BRINP1: variants seen among roughly 807,000 people sequenced by gnomAD.
BRINP1 encodes the protein BMP/retinoic acid-inducible neural-specific protein 1.
In BRINP1, 17 loss-of-function variants were observed where a neutral mutation model predicts 72.9. That is an observed-to-expected ratio of 0.23 (90% CI 0.16 to 0.35). The LOEUF (loss-of-function observed/expected upper bound fraction) is 0.35. Among genes scored for constraint, BRINP1 ranks in the 10% least tolerant of loss-of-function variants. The probability of loss-of-function intolerance (pLI) is 1.00; values close to 1 mark genes in which losing one functional copy is unlikely to be tolerated. For missense variants in BRINP1, 850 were observed against 1,001.6 expected (o/e 0.85, Z 2.04); for synonymous variants, 418 against 378.5 (o/e 1.10, Z -1.21).
At chr9:119,320,465 G>T (rs1401657002) in intron 1 of BRINP1, among the ~76,000 whole-genome samples, 1 of 152,182 alleles carries the variant, frequency 6.6e-6, no homozygotes, top group African/African-American at 2.4e-5. Context: ...CCCTCAAAGA[G>T]CTTATTTTTG....
chr9:119,358,058 T>C (rs1256598088), intron 1 of BRINP1, among the ~76,000 whole-genome samples: 7 of 152,200 alleles, frequency 4.6e-5, no homozygotes, highest in Admixed American at 3.9e-4. Context: ...TGACCCACAA[T>C]GTTCTCATCT....
intron 2 of BRINP1, among the ~76,000 whole-genome samples, chr9:119,295,466 G>T (rs1830866131): frequency 6.6e-6 from 1 of 152,168 alleles, no homozygotes; most frequent in Admixed American, 6.5e-5. Context: ...TGTACAAGAT[G>T]TTACTTTACT....
rs149814669 is a variant in BRINP1 at position 119,213,925 on chromosome 9, T to G, written c.916A>C (p.Asn306His). The G allele has an allele frequency of 7.1e-5, 114 of 1,612,948 alleles. No homozygotes were observed. In the Middle Eastern group the frequency reaches 8.2e-4, roughly 12 times the overall value. ...ACTGAGTGAGACTCTCTACCTGAATTCTCCAGGTCCTTATAAGCTTCGGCC... is the reference window on the plus strand; with the variant it reads ...ACTGAGTGAGACTCTCTACCTGAATGCTCCAGGTCCTTATAAGCTTCGGCC... ...SWAEAYKDLENSDEFKSFMKR... is the reference protein window; with the variant it reads ...SWAEAYKDLEHSDEFKSFMKR... Residue 306 changes from asparagine to histidine, a missense_variant, in exon 6 of 8, where the codon AAT becomes CAT. Physicochemically the swap from Asn to His is moderately conservative, Grantham distance 68. Transcript: ENST00000265922.
intron 2 of BRINP1, among the ~76,000 whole-genome samples, chr9:119,250,089 G>A (rs1197430517): frequency 1.1e-5 from 1 of 92,202 alleles, no homozygotes; most frequent in African/African-American, 3.7e-5. Context: ...AGAAAGGAAG[G>A]AAGGAAGGAA....
chr9:119,216,339 A>T (rs1293282917), intron 5 of BRINP1, among the ~76,000 whole-genome samples: 2 of 152,216 alleles, frequency 1.3e-5, no homozygotes, highest in East Asian at 3.9e-4. Flanking sequence ...TAAGCTATAC[A>T]GTTGAACAAC....
intron 7 of BRINP1, among the ~76,000 whole-genome samples, chr9:119,183,514 C>T (rs1233099774): frequency 6.6e-6 from 1 of 152,170 alleles, no homozygotes. Context: ...CTGTACAGTA[C>T]AGAGAATGCC....
intron 7 of BRINP1, among the ~76,000 whole-genome samples, chr9:119,170,989 C>T (rs1202995764): frequency 2.1e-5 from 3 of 143,406 alleles, no homozygotes; most frequent in African/African-American, 5.6e-5. Flanking sequence ...AAGCGCTAAA[C>T]ATGGAAAGGA....
intron 7 of BRINP1, among the ~76,000 whole-genome samples, chr9:119,199,307 A>G (rs976440241): frequency 1.1e-4 from 16 of 152,310 alleles, no homozygotes; most frequent in South Asian, 8.3e-4. Context: ...GAAGAATCAA[A>G]ATCAGTATGA....
At chr9:119,256,981 A>G (rs897540395) in intron 2 of BRINP1, among the ~76,000 whole-genome samples, 1 of 152,336 alleles carries the variant, frequency 6.6e-6, no homozygotes, top group African/African-American at 2.4e-5. Context: ...ATAAAATAGG[A>G]AAAATAAAAG....
At chr9:119,345,092 C>G (rs112197396) in intron 1 of BRINP1, among the ~76,000 whole-genome samples, 1 of 152,084 alleles carries the variant, frequency 6.6e-6, no homozygotes, top group African/African-American at 2.4e-5. Context: ...TCGAGAGAGC[C>G]GGAAGCACCC....
chr9:119,298,152 C>A (rs1013177562), intron 2 of BRINP1, among the ~76,000 whole-genome samples: 1 of 152,162 alleles, frequency 6.6e-6, no homozygotes, highest in Admixed American at 6.5e-5. Flanking sequence ...TGAAATCAGA[C>A]CATTTGAATG....
At chr9:119,253,365 T>C (rs1422220044) in intron 2 of BRINP1, among the ~76,000 whole-genome samples, 1 of 152,090 alleles carries the variant, frequency 6.6e-6, no homozygotes, top group Non-Finnish European at 1.5e-5. Context: ...TAAGTGCCAA[T>C]CAATGGATGA....
At chr9:119,292,993 T>C (rs185664009) in intron 2 of BRINP1, among the ~76,000 whole-genome samples, 2 of 152,306 alleles carry the variant, frequency 1.3e-5, no homozygotes, top group East Asian at 3.9e-4. Context: ...GTTGAATGGC[T>C]ACTATATATC....
At chr9:119,170,649 T>G (rs1231558) in intron 7 of BRINP1, among the ~76,000 whole-genome samples, 7 of 129,372 alleles carry the variant, frequency 5.4e-5, no homozygotes, top group African/African-American at 2.4e-4. Context: ...AGATACTCCT[T>G]GAGAAGAGCA....
intron 7 of BRINP1, among the ~76,000 whole-genome samples, chr9:119,207,884 G>A (rs539775212): frequency 7.9e-5 from 12 of 152,146 alleles, no homozygotes; most frequent in Non-Finnish European, 1.6e-4. Context: ...GGTGGAGAGA[G>A]AGCCCCAACC....
intron 5 of BRINP1, among the ~76,000 whole-genome samples, chr9:119,224,836 G>A (rs980988053): frequency 6.6e-6 from 1 of 152,014 alleles, no homozygotes; most frequent in Non-Finnish European, 1.5e-5. Flanking sequence ...CAAGGCCAAT[G>A]TCACTAAAAT....
intron 1 of BRINP1, among the ~76,000 whole-genome samples, chr9:119,341,940 G>GT (rs1489615136): frequency 6.6e-6 from 1 of 151,762 alleles, no homozygotes; most frequent in African/African-American, 2.4e-5. Flanking sequence ...ATTTTTTTTT[G>GT]TATCTTTAGT....
At chr9:119,220,334 C>T (rs547012436) in intron 5 of BRINP1, among the ~76,000 whole-genome samples, 25 of 152,172 alleles carry the variant, frequency 1.6e-4, no homozygotes, top group African/African-American at 5.8e-4. Context: ...GCACTTGGAT[C>T]AACTGACCAT....
chr9:119,172,535 C>T (rs1239873017), intron 7 of BRINP1, among the ~76,000 whole-genome samples: 1 of 151,256 alleles, frequency 6.6e-6, no homozygotes, highest in Non-Finnish European at 1.5e-5. Flanking sequence ...GATTCACAGC[C>T]GAATTCTACC....
Sources: gnomAD v4.1 joint callset for allele counts (sites outside exome capture counted in the v4.1 genomes callset) on GRCh38, gnomAD v4.1.1 for gene constraint, MANE v1.5 for transcripts, NCBI Gene and HGNC (gene_info 2026-07-23, HGNC 2026-07-21) for gene names.